MIER1: variants seen among roughly 807,000 people sequenced by gnomAD.
MIER1 encodes MIER1 transcriptional regulator.
A neutral mutation model predicts 75.7 loss-of-function variants in MIER1; 40 were observed. The observed-to-expected ratio is 0.53, with a 90% CI of 0.41 to 0.69. MIER1 has a LOEUF of 0.69. MIER1 is among the 30% of genes least tolerant of loss of function. The pLI is 0.00. For missense variants in MIER1, 574 were observed against 680.2 expected, an observed-to-expected ratio of 0.84 and a Z score of 1.74; for synonymous variants, 213 against 223.4, an observed-to-expected ratio of 0.95 and a Z score of 0.42.
chr1:66,971,045 A>C lies in MIER1; in HGVS notation c.924+86A>C, dbSNP rs1266174255. On this transcript the variant is annotated intron_variant, in intron 9 of 13. Coordinates refer to ENST00000401041, the MANE Select transcript of MIER1 (RefSeq NM_001077700.3). ...CACTTGCATTGTTGTTATTCTGTCC[A>C]CCAAACTTTTTATAACATTATTGAC... The C allele has an allele frequency of 3.9e-6, 5 of 1,296,966 alleles. No homozygotes were observed. The African/African-American group carries it at 7.8e-5, about 20-fold the overall frequency. 80.3% of individuals were successfully genotyped at this position (1,296,966 alleles called of 1,614,324 possible). A position where few individuals can be genotyped will look rare whatever the true frequency, so the allele number is the denominator to read the frequency against.
At position 66,986,503 on chromosome 1, in the gene MIER1, A is replaced by G. The variant is rs1227603455; in HGVS notation, c.*1603A>G. 6.8e-7 allele frequency: 1 copy of G among 1,477,292 alleles called. No individual in the cohort carries two copies. 91.5% of individuals were successfully genotyped at this position (1,477,292 alleles called of 1,614,324 possible). ...TCTGTGGTCTTGTTTTTAATGGCTCAACTGTCTGATGTAATTGAGTGAAGG... is the reference window on the plus strand; with the variant it reads ...TCTGTGGTCTTGTTTTTAATGGCTCGACTGTCTGATGTAATTGAGTGAAGG... On this transcript the variant is annotated 3_prime_UTR_variant, in exon 14 of 14. Transcript: ENST00000401041.
chr1:66,942,242 G>C (rs565896906), intron 3 of MIER1, among the ~76,000 whole-genome samples: 45 of 152,130 alleles, frequency 3.0e-4, no homozygotes, highest in Non-Finnish European at 6.0e-4. Flanking sequence ...ATCCTTTGTA[G>C]CATCTGTACT....
intron 2 of MIER1, 136 bp from the exon 3 acceptor site, chr1:66,939,892 A>T: frequency 1.6e-6 from 1 of 614,164 alleles, no homozygotes; most frequent in Non-Finnish European, 2.8e-6. Context: ...GAAAATGCAG[A>T]CATTAAAACT....
intron 11 of MIER1, among the ~76,000 whole-genome samples, chr1:66,976,192 T>C (rs1369355665): frequency 6.6e-6 from 1 of 151,878 alleles, no homozygotes. Context: ...TTAGTAGAGA[T>C]GGGGTTTCAC....
At chr1:66,982,608 A>G (rs558120280) in intron 13 of MIER1, among the ~76,000 whole-genome samples, 10 of 152,316 alleles carry the variant, frequency 6.6e-5, no homozygotes, top group African/African-American at 1.9e-4. Context: ...GAAGAAAGTA[A>G]TAAGCGCCAC....
rs548420206 is a variant in MIER1 at position 66,964,695 on chromosome 1, G to A, written c.772+1535G>A. ...TTGAACTCCTGACCTCAGGTGATTCGCCTGCCTCAGCCTCCTAAAGTGCTG... is the reference window on the plus strand; with the variant it reads ...TTGAACTCCTGACCTCAGGTGATTCACCTGCCTCAGCCTCCTAAAGTGCTG... On this transcript the variant is annotated intron_variant, in intron 8 of 13. Coordinates refer to ENST00000401041, the MANE Select transcript of MIER1 (RefSeq NM_001077700.3). Among the ~76,000 whole-genome samples, 8 of 151,884 alleles carry A rather than the reference G, an allele frequency of 5.3e-5. No individual in the cohort carries two copies. In the South Asian group the frequency reaches 1.5e-3, roughly 28 times the overall value.
chr1:66,936,137 A>G (rs1423693125), intron 2 of MIER1, among the ~76,000 whole-genome samples: 2 of 152,170 alleles, frequency 1.3e-5, no homozygotes, highest in African/African-American at 4.8e-5. Context: ...TTAATGCCCA[A>G]TTTTAAATCA....
At chr1:66,925,368 G>T in intron 1 of MIER1, 2 of 985,342 alleles carry the variant, frequency 2.0e-6, no homozygotes, top group Non-Finnish European at 2.4e-6. Flanking sequence ...GCCGCGCTGG[G>T]AATCCGCTGC....
chr1:66,978,182 C>T (rs1480392691), intron 12 of MIER1, among the ~76,000 whole-genome samples: 3 of 145,828 alleles, frequency 2.1e-5, no homozygotes, highest in East Asian at 2.0e-4. Flanking sequence ...GGCAACAGAG[C>T]GAAACTCCAT....
At chr1:66,976,793 A>G (rs1570504416) in intron 12 of MIER1, 71 bp downstream of exon 12, 1 of 1,289,552 alleles carries the variant, frequency 7.8e-7, no homozygotes, top group East Asian at 2.6e-5. Flanking sequence ...TCTTGAGTTA[A>G]TTATTATTTT....
Position 66,930,268 on chromosome 1 carries a change from G to T in MIER1, c.168+4026G>T. 1 of 1,541,008 alleles carries T rather than the reference G, an allele frequency of 6.5e-7. No individual in the cohort carries two copies. Among genetic ancestry groups the T allele is most frequent in the Non-Finnish European group, 8.7e-7 (1 of 1,146,146 alleles). The stretch of plus-strand genomic sequence containing the variant: ...GCGGCTCCTGCGCGTTCCCGCCGAG[G>T]CAGTGGCGGCGGGAGCGGCAGAGAC... On this transcript the variant is annotated intron_variant, in intron 2 of 13. Transcript: ENST00000401041.
chr1:66,972,553 G>C (rs544028259), intron 10 of MIER1, among the ~76,000 whole-genome samples: 16 of 152,022 alleles, frequency 1.1e-4, no homozygotes, highest in Admixed American at 7.2e-4. Context: ...AGGGGATGAG[G>C]CAGGAAATAA....
intron 10 of MIER1, among the ~76,000 whole-genome samples, chr1:66,972,413 A>C (rs749949185): frequency 1.9e-4 from 29 of 151,916 alleles, no homozygotes; most frequent in Admixed American, 1.4e-3. Flanking sequence ...CTTCAAGGAA[A>C]ATTAGAGGGT....
chr1:66,955,681 AAAT>A (rs533962578), intron 4 of MIER1, among the ~76,000 whole-genome samples: 84 of 152,318 alleles, frequency 5.5e-4, no homozygotes, highest in South Asian at 2.5e-3. Flanking sequence ...AGGATCAAAT[AAAT>A]AATGAAACAA....
chr1:66,967,496 A>G (rs1662662949), intron 8 of MIER1, among the ~76,000 whole-genome samples: 2 of 152,142 alleles, frequency 1.3e-5, no homozygotes, highest in African/African-American at 2.4e-5. Flanking sequence ...GTGGTTCCAT[A>G]TAAATTTTAG....
At chr1:66,952,934 G>A (rs1472946840) in intron 4 of MIER1, among the ~76,000 whole-genome samples, 2 of 152,166 alleles carry the variant, frequency 1.3e-5, no homozygotes, top group African/African-American at 4.8e-5. Context: ...CGTGAGCCGT[G>A]TCCCACCTGA....
chr1:66,979,157 C>T (rs1194167319), intron 12 of MIER1, among the ~76,000 whole-genome samples: 1 of 151,936 alleles, frequency 6.6e-6, no homozygotes, highest in Non-Finnish European at 1.5e-5. Context: ...GAGACTCTTC[C>T]CTTTTAGCTG....
At chr1:66,950,900 C>T (rs557863583) in intron 4 of MIER1, among the ~76,000 whole-genome samples, 67 of 152,280 alleles carry the variant, frequency 4.4e-4, no homozygotes, top group Middle Eastern at 6.8e-3. Flanking sequence ...CTGCCTCTTT[C>T]CTTCTTCCTA....
intron 13 of MIER1, 106 bp downstream of exon 13, chr1:66,982,024 G>C: frequency 8.6e-7 from 1 of 1,159,596 alleles, no homozygotes; most frequent in African/African-American, 1.5e-5. Context: ...AGAGCAGAAA[G>C]TAAAAAATGA....
Sources: allele counts gnomAD v4.1 joint callset (sites outside exome capture counted in the v4.1 genomes callset), GRCh38; gene constraint gnomAD v4.1.1; transcripts MANE v1.5; gene names NCBI Gene and HGNC (gene_info 2026-07-23, HGNC 2026-07-21).